Variants in VPS4B observed in about 807,000 individuals in gnomAD.
VPS4B encodes vacuolar protein sorting 4 homolog B.
VPS4B carries 23 observed loss-of-function variants against 56.1 expected under a neutral mutation model. The observed-to-expected ratio is 0.41, with a 90% CI of 0.30 to 0.58. The LOEUF is 0.58. VPS4B is among the 20% of genes least tolerant of loss of function. The probability of loss-of-function intolerance (pLI) is 0.29; values close to 1 mark genes in which losing one functional copy is unlikely to be tolerated. For synonymous variants in VPS4B, 177 were observed against 186.0 expected (o/e 0.95, Z 0.39); for missense variants, 372 against 531.9 (o/e 0.70, Z 2.96).
rs778669721 is a variant in VPS4B, at chr18:63,410,979, T to C, written c.139+488A>G. ...AAGTGAACTTTGGCAACACGTGCAATAGATGGGATGAGCCCCACATAGCTT... is the reference window on the plus strand; with the variant it reads ...AAGTGAACTTTGGCAACACGTGCAACAGATGGGATGAGCCCCACATAGCTT... On this transcript the variant is annotated intron_variant, in intron 2 of 10. Coordinates refer to ENST00000238497, the MANE Select transcript of VPS4B (RefSeq NM_004869.4). Among the ~76,000 whole-genome samples, 9 of 152,306 alleles carry C rather than the reference T, an allele frequency of 5.9e-5. No individual in the cohort carries two copies. The East Asian group carries it at 7.7e-4, about 13-fold the overall frequency.
chr18:63,403,586 C>G, intron 5 of VPS4B, 121 bp downstream of exon 5: 1 of 1,110,642 alleles, frequency 9.0e-7, no homozygotes, highest in Non-Finnish European at 1.2e-6. Flanking sequence ...ATATCACCAC[C>G]TTTTAACAGT....
intron 5 of VPS4B, among the ~76,000 whole-genome samples, chr18:63,401,028 T>A (rs979129331): frequency 6.6e-6 from 1 of 152,058 alleles, no homozygotes; most frequent in Non-Finnish European, 1.5e-5. Flanking sequence ...GGGAAAAGAG[T>A]TCAGTTAAAA....
In VPS4B at chr18:63,397,147, G is replaced by C; in HGVS notation, c.979C>G (p.Arg327Gly). Residue 327 changes from arginine (R) to glycine (G), a missense_variant, in exon 9 of 11, where the codon CGG (arginine) becomes GGG (glycine). By Grantham distance (125) the Arg-to-Gly change is moderately radical (BLOSUM62 -2). This residue lies in a region of VPS4B where 153 missense variants were observed against 190.9 expected (regional missense o/e 0.80). Coordinates refer to ENST00000238497, the MANE Select transcript of VPS4B (RefSeq NM_004869.4). The part of the protein sequence containing the change: ...TQNSLTEADF[R>G]ELGRKTDGYS... ...CCATCTGTTTTCCTCCCAAGTTCCC[G>C]AAAGTCTGCTTCCGTGAGACTGTTC... The C allele has an allele frequency of 6.2e-7, 1 of 1,614,116 alleles. No homozygotes were observed. Among genetic ancestry groups the C allele is most frequent in the Non-Finnish European group, 8.5e-7 (1 of 1,180,032 alleles).
At chr18:63,412,329 C>T (rs1278362880) in intron 1 of VPS4B, among the ~76,000 whole-genome samples, 4 of 152,122 alleles carry the variant, frequency 2.6e-5, no homozygotes, top group East Asian at 1.9e-4. Context: ...AAAAAAGCAG[C>T]ACAGGAAAAA....
chr18:63,403,549 A>G (rs1466320505), intron 5 of VPS4B, among the ~76,000 whole-genome samples, 158 bp downstream of exon 5: 1 of 152,236 alleles, frequency 6.6e-6, no homozygotes, highest in East Asian at 1.9e-4. Flanking sequence ...GGATATGTAT[A>G]AGAAATAAAA....
intron 3 of VPS4B, 98 bp downstream of exon 3, chr18:63,410,192 C>T (rs893152283): frequency 6.7e-7 from 1 of 1,501,056 alleles, no homozygotes; most frequent in African/African-American, 1.4e-5. Context: ...AGCTTTGGCC[C>T]ATGAGCCATA....
At chr18:63,403,901 T>A in intron 4 of VPS4B, 75 bp from the exon 5 acceptor site, 1 of 1,493,372 alleles carries the variant, frequency 6.7e-7, no homozygotes, top group Non-Finnish European at 9.0e-7. Flanking sequence ...GAAATAATGA[T>A]GTTAAAGAAA....
chr18:63,420,489 G>A (rs548700796), intron 1 of VPS4B, among the ~76,000 whole-genome samples: 1 of 152,206 alleles, frequency 6.6e-6, no homozygotes, highest in Non-Finnish European at 1.5e-5. Flanking sequence ...AGATTATGTT[G>A]TAGAGTATCG....
chr18:63,399,890 G>A (rs543103683), intron 7 of VPS4B, among the ~76,000 whole-genome samples, 158 bp downstream of exon 7: 65 of 152,166 alleles, frequency 4.3e-4, no homozygotes, highest in African/African-American at 1.5e-3. Flanking sequence ...ATGGTGGTGC[G>A]CGCCTGTAAT....
Position 63,407,837 on chromosome 18 carries a change from A to G in VPS4B, c.297-338T>C, listed in dbSNP as rs1193033101. Among the ~76,000 whole-genome samples the G allele has an allele frequency of 2.0e-5, 3 of 152,216 alleles. No individual in the cohort carries two copies. The South Asian group carries it at 6.2e-4, about 32-fold the overall frequency. On this transcript the variant is annotated intron_variant, in intron 3 of 10. Coordinates refer to ENST00000238497, the MANE Select transcript of VPS4B (RefSeq NM_004869.4). ...TCAAGATGAATCACAGGAGAGCTGC[A>G]AACAACAACAGTAAAAACATCAGGA...
At chr18:63,397,539 T>C (rs995470506) in intron 8 of VPS4B, among the ~76,000 whole-genome samples, 2 of 152,202 alleles carry the variant, frequency 1.3e-5, no homozygotes, top group African/African-American at 4.8e-5. Flanking sequence ...AGGGTTACAG[T>C]TTCCCACAAA....
chr18:63,403,760 T>G lies in VPS4B; in HGVS notation c.431A>C (p.Glu144Ala), dbSNP rs1408828233. 1 of 1,613,598 alleles carries G rather than the reference T, an allele frequency of 6.2e-7. No individual in the cohort carries two copies. The highest frequency in any genetic ancestry group is 8.5e-7 in the Non-Finnish European group (1 of 1,179,732). The change falls in exon 5 of 11, where the codon GAA becomes GCA. Residue 144 changes from glutamate (E) to alanine (A), a missense_variant. Transcript: ENST00000238497. Reference protein sequence around the residue: ...SDVAGLEGAKEALKEAVILPI... With the variant: ...SDVAGLEGAKAALKEAVILPI... The stretch of plus-strand genomic sequence containing the variant: ...CAGTATCACAGCCTCTTTCAGTGCT[T>G]CTTTGGCTCCTTCAAGTCCAGCAAC...
At chr18:63,411,614 A>G in intron 1 of VPS4B, 36 bp from the exon 2 acceptor site, 1 of 1,450,784 alleles carries the variant, frequency 6.9e-7, no homozygotes, top group Non-Finnish European at 9.2e-7. Flanking sequence ...CATTTAAATC[A>G]AAGCATAAAC....
rs564228334 is a variant in VPS4B at position 63,411,285 on chromosome 18, C to CT, written c.139+181dup. 2.6e-3 allele frequency among the ~76,000 whole-genome samples: 397 copies of CT among 152,222 alleles called. 3 individuals are homozygous for CT. Among genetic ancestry groups the CT allele is most frequent in the African/African-American group, 9.2e-3 (384 of 41,538 alleles). On this transcript the variant is annotated intron_variant, in intron 2 of 10. Coordinates refer to ENST00000238497, the MANE Select transcript of VPS4B (RefSeq NM_004869.4). Reference sequence around the variant, plus strand: ...ATATACAAAGTAATAACTATGATGGCTGTCACATTTGCTAGCTACATCTCA... The same window carrying CT: ...ATATACAAAGTAATAACTATGATGGCTTGTCACATTTGCTAGCTACATCTCA...
At chr18:63,398,004 A>T (rs549620230) in intron 8 of VPS4B, among the ~76,000 whole-genome samples, 1 of 152,178 alleles carries the variant, frequency 6.6e-6, no homozygotes, top group South Asian at 2.1e-4. Flanking sequence ...GAATGGGATA[A>T]AAGTGGCAAA....
At chr18:63,399,560 A>G (rs1915764083) in intron 7 of VPS4B, among the ~76,000 whole-genome samples, 1 of 152,244 alleles carries the variant, frequency 6.6e-6, no homozygotes, top group African/African-American at 2.4e-5. Flanking sequence ...TGTGGAAAAT[A>G]CTATTAACAT....
intron 10 of VPS4B, among the ~76,000 whole-genome samples, chr18:63,391,649 C>T (rs1915552220): frequency 6.6e-6 from 1 of 152,192 alleles, no homozygotes; most frequent in East Asian, 1.9e-4. Flanking sequence ...GGACAATCCC[C>T]TTAGTCTGAG....
chr18:63,417,055 G>A (rs1916183283), intron 1 of VPS4B, among the ~76,000 whole-genome samples: 1 of 151,794 alleles, frequency 6.6e-6, no homozygotes, highest in Non-Finnish European at 1.5e-5. Flanking sequence ...GCCTAGAATG[G>A]TGCCGGCATA....
chr18:63,403,055 G>A (rs1044197436), intron 5 of VPS4B, among the ~76,000 whole-genome samples: 1 of 152,206 alleles, frequency 6.6e-6, no homozygotes, highest in African/African-American at 2.4e-5. Flanking sequence ...GCTGGAACTA[G>A]AACTTGTAAG....
Sources: gnomAD v4.1 joint callset for allele counts (sites outside exome capture counted in the v4.1 genomes callset) on GRCh38, gnomAD v4.1.1 for gene constraint, gnomAD v4.1.1 regional missense constraint, MANE v1.5 for transcripts, NCBI Gene and HGNC (gene_info 2026-07-23, HGNC 2026-07-21) for gene names.